The following CNTN1 variants were observed in gnomAD, a reference collection of about 807,000 sequenced individuals.
The protein encoded by CNTN1 is contactin-1.
CNTN1 carries 38 observed loss-of-function variants against 126.4 expected under a neutral mutation model. The observed-to-expected ratio is 0.30, with a 90% CI of 0.23 to 0.39. The LOEUF (loss-of-function observed/expected upper bound fraction) is 0.39, where lower values mean the gene tolerates loss of function less well. Ranked by LOEUF, CNTN1 falls within the 10% of genes least tolerant of loss-of-function variation. The pLI, the probability that CNTN1 is intolerant of heterozygous loss-of-function variation, is 1.00. For missense variants in CNTN1, 1,009 were observed against 1,248.4 expected (o/e 0.81, Z 2.89); for synonymous variants, 413 against 422.6 (o/e 0.98, Z 0.28).
At chr12:40,718,408 T>A (rs1942103484) in intron 1 of CNTN1, among the ~76,000 whole-genome samples, 1 of 152,130 alleles carries the variant, frequency 6.6e-6, no homozygotes, top group Non-Finnish European at 1.5e-5. Flanking sequence ...CTCGATCTCC[T>A]GACCTCATAA....
intron 23 of CNTN1, among the ~76,000 whole-genome samples, chr12:41,055,317 A>C (rs1287759375): frequency 6.6e-6 from 1 of 152,080 alleles, no homozygotes; most frequent in Non-Finnish European, 1.5e-5. Context: ...CCTTTTTCAC[A>C]ATGCATTTCT....
At chr12:41,048,566 C>T (rs1006641664) in intron 23 of CNTN1, among the ~76,000 whole-genome samples, 3 of 152,136 alleles carry the variant, frequency 2.0e-5, no homozygotes, top group Non-Finnish European at 4.4e-5. Context: ...CTTCAACTAC[C>T]CTTTCCTTCC....
chr12:41,023,487 T>A (rs990692385), intron 20 of CNTN1, among the ~76,000 whole-genome samples: 2 of 152,230 alleles, frequency 1.3e-5, no homozygotes, highest in African/African-American at 4.8e-5. Flanking sequence ...AAGTCTTTCT[T>A]ATCAAGGGCA....
chr12:40,981,573 A>G (rs1947823376), intron 16 of CNTN1, among the ~76,000 whole-genome samples: 1 of 152,110 alleles, frequency 6.6e-6, no homozygotes, highest in African/African-American at 2.4e-5. Context: ...AGATTTTTAA[A>G]GACATTTTGG....
intron 1 of CNTN1, among the ~76,000 whole-genome samples, chr12:40,836,008 G>GTGTGTA (rs141242584): frequency 0.11 from 15,706 of 148,230 alleles, 1,022 homozygotes; most frequent in East Asian, 0.11. Context: ...GTGTGTGTGT[G>GTGTGTA]TATATATGTA....
At chr12:40,924,234 G>T (rs2136880866) in intron 5 of CNTN1, among the ~76,000 whole-genome samples, 1 of 152,038 alleles carries the variant, frequency 6.6e-6, no homozygotes, top group East Asian at 1.9e-4. Context: ...TGATTTCATT[G>T]TATTTCCAGA....
At chr12:40,747,752 G>A (rs369948776) in intron 1 of CNTN1, among the ~76,000 whole-genome samples, 4 of 152,036 alleles carry the variant, frequency 2.6e-5, no homozygotes, top group Non-Finnish European at 5.9e-5. Context: ...TATTAATGTC[G>A]ATGGACTTGA....
intron 1 of CNTN1, among the ~76,000 whole-genome samples, chr12:40,783,573 A>G (rs927384896): frequency 3.3e-5 from 5 of 152,126 alleles, no homozygotes; most frequent in African/African-American, 1.2e-4. Context: ...TGTTATTGAC[A>G]ATGTGACTTC....
intron 15 of CNTN1, among the ~76,000 whole-genome samples, chr12:40,967,911 G>T (rs1234720605): frequency 6.7e-6 from 1 of 149,886 alleles, no homozygotes; most frequent in Non-Finnish European, 1.5e-5. Flanking sequence ...AATATATAAT[G>T]ACAGAATGTA....
At chr12:40,822,103 C>T (rs1039427885) in intron 1 of CNTN1, among the ~76,000 whole-genome samples, 8 of 144,014 alleles carry the variant, frequency 5.6e-5, no homozygotes, top group Middle Eastern at 3.6e-3. Flanking sequence ...TATTTATATA[C>T]TTCTCAATGT....
chr12:40,807,018 G>C (rs980455829), intron 1 of CNTN1, among the ~76,000 whole-genome samples: 1 of 151,984 alleles, frequency 6.6e-6, no homozygotes, highest in African/African-American at 2.4e-5. Context: ...CAGTCATATT[G>C]ATGTAGAGCA....
At chr12:40,731,103 T>A (rs1302017104) in intron 1 of CNTN1, among the ~76,000 whole-genome samples, 1 of 152,064 alleles carries the variant, frequency 6.6e-6, no homozygotes, top group African/African-American at 2.4e-5. Context: ...AGTTTAAATT[T>A]AAAAATTGGG....
intron 1 of CNTN1, among the ~76,000 whole-genome samples, chr12:40,870,031 C>T (rs1943431756): frequency 6.6e-6 from 1 of 152,142 alleles, no homozygotes; most frequent in South Asian, 2.1e-4. Flanking sequence ...GAGTGGGTCT[C>T]ACAAGATCTG....
intron 1 of CNTN1, among the ~76,000 whole-genome samples, chr12:40,726,231 G>A (rs1288974648): frequency 6.6e-6 from 1 of 152,102 alleles, no homozygotes; most frequent in Non-Finnish European, 1.5e-5. Context: ...AAATTAACAT[G>A]TTAAAACAAT....
intron 5 of CNTN1, among the ~76,000 whole-genome samples, chr12:40,923,460 T>G (rs1699190904): frequency 6.6e-6 from 1 of 152,082 alleles, no homozygotes; most frequent in Admixed American, 6.6e-5. Context: ...AGAAGTAAGA[T>G]TAAATTAGTG....
At chr12:40,995,038 C>T (rs900959301) in intron 17 of CNTN1, among the ~76,000 whole-genome samples, 6 of 151,834 alleles carry the variant, frequency 4.0e-5, no homozygotes, top group Admixed American at 3.3e-4. Context: ...CTACCTATGT[C>T]AAAATGTTAT....
At chr12:40,770,858 A>G (rs192984422) in intron 1 of CNTN1, among the ~76,000 whole-genome samples, 3 of 152,262 alleles carry the variant, frequency 2.0e-5, no homozygotes, top group Non-Finnish European at 2.9e-5. Flanking sequence ...ATGCAAAATA[A>G]TAAATATAAA....
intron 23 of CNTN1, among the ~76,000 whole-genome samples, chr12:41,066,403 G>A (rs2121144452): frequency 6.6e-6 from 1 of 152,192 alleles, no homozygotes; most frequent in South Asian, 2.1e-4. Flanking sequence ...CCTGTGCTCT[G>A]TAATAAGAAA....
At chr12:40,871,894 T>C (rs530273318) in intron 1 of CNTN1, among the ~76,000 whole-genome samples, 1 of 152,094 alleles carries the variant, frequency 6.6e-6, no homozygotes, top group African/African-American at 2.4e-5. Context: ...ACAGAAAAAA[T>C]CTGGTTTATT....
Sources: gnomAD v4.1 joint callset for allele counts (sites outside exome capture counted in the v4.1 genomes callset) on GRCh38, gnomAD v4.1.1 for gene constraint, MANE v1.5 for transcripts, NCBI Gene and HGNC (gene_info 2026-07-23, HGNC 2026-07-21) for gene names.